Variants in SNX27 observed in about 807,000 individuals in gnomAD.
SNX27 encodes the protein sorting nexin-27.
A neutral mutation model predicts 71.6 loss-of-function variants in SNX27; 22 were observed. That is an observed-to-expected ratio of 0.31 (90% CI 0.22 to 0.44). The LOEUF is 0.44. SNX27 is among the 20% of genes least tolerant of loss of function. SNX27 has a pLI of 1.00. For synonymous variants in SNX27, 269 were observed against 277.2 expected (o/e 0.97, Z 0.29); for missense variants, 531 against 698.6 (o/e 0.76, Z 2.70).
At chr1:151,689,269 A>G (rs1671329351) in intron 8 of SNX27, among the ~76,000 whole-genome samples, 1 of 152,236 alleles carries the variant, frequency 6.6e-6, no homozygotes. Flanking sequence ...GTAGCTTCTC[A>G]GAAGTGGAAC....
At chr1:151,625,997 C>A (rs1459978352) in intron 1 of SNX27, among the ~76,000 whole-genome samples, 1 of 151,798 alleles carries the variant, frequency 6.6e-6, no homozygotes, top group East Asian at 1.9e-4. Context: ...GGCGCAATGG[C>A]CCACACATGT....
chr1:151,612,651 G>A lies in SNX27; in HGVS notation c.311+139G>A, dbSNP rs1055379321. 5.2e-5 allele frequency: 33 copies of A among 633,472 alleles called. No homozygotes were observed. The East Asian group carries it at 1.2e-3, about 22-fold the overall frequency. 39.2% of individuals were successfully genotyped at this position (633,472 alleles called of 1,614,324 possible). A position where few individuals can be genotyped will look rare whatever the true frequency, so the allele number is the denominator to read the frequency against. On this transcript the variant is annotated intron_variant, in intron 1 of 11. Coordinates refer to ENST00000458013, the MANE Select transcript of SNX27 (RefSeq NM_001330723.2). The surrounding 1 kb of genome is among the most constrained non-coding windows in gnomAD (Gnocchi z 5.2). ...CCGGACCCCCGCCCCTCAGGCCTCC[G>A]CAGCCGGGCCCCTCCTTGTGGGCTG...
At chr1:151,683,266 C>G in intron 7 of SNX27, 90 bp from the exon 8 acceptor site, 1 of 1,009,384 alleles carries the variant, frequency 9.9e-7, no homozygotes, top group Non-Finnish European at 1.5e-6. Flanking sequence ...AAGAGATTTT[C>G]TGAAAATGCG....
chr1:151,641,597 A>G (rs1414016318), intron 2 of SNX27, among the ~76,000 whole-genome samples: 1 of 54,836 alleles, frequency 1.8e-5, no homozygotes, highest in African/African-American at 8.0e-5. Flanking sequence ...GTCCTTTATC[A>G]GATATATATA....
intron 1 of SNX27, among the ~76,000 whole-genome samples, chr1:151,618,033 CTTT>C (rs555481981): frequency 1.5e-5 from 2 of 136,996 alleles, no homozygotes; most frequent in African/African-American, 2.7e-5. Flanking sequence ...TTTTTTTGTA[CTTT>C]TTTTTTTTTT....
rs1169517293 is a variant in SNX27 at position 151,666,000 on chromosome 1, G to A, written c.974G>A (p.Ser325Asn). The A allele has an allele frequency of 1.9e-6, 3 of 1,611,178 alleles. No homozygotes were observed. In the African/African-American group the frequency reaches 4.0e-5, roughly 22 times the overall value. Residue 325 changes from serine to asparagine, a missense_variant, in exon 6 of 12, where the codon AGT becomes AAT. Ser to Asn is a conservative substitution (Grantham distance 46, BLOSUM62 1). Around this residue, in one of 5 missense-constraint regions of SNX27, gnomAD observed 184 missense variants for 289.6 expected, o/e 0.64. Transcript: ENST00000458013. ...TACTTTGCCTTATTTGAAGTGATCA[G>A]TCACTCCTTTGGTAAGTACCAGTGG... The part of the protein sequence containing the change: ...VNYFALFEVI[S>N]HSFVRKLAPN...
chr1:151,649,566 G>C (rs1669228013), intron 2 of SNX27, among the ~76,000 whole-genome samples: 1 of 152,218 alleles, frequency 6.6e-6, no homozygotes, highest in South Asian at 2.1e-4. Context: ...CTGGGAGACA[G>C]AGCTAAACCC....
chr1:151,630,656 A>T (rs1489525136), intron 1 of SNX27, among the ~76,000 whole-genome samples: 1 of 152,242 alleles, frequency 6.6e-6, no homozygotes, highest in African/African-American at 2.4e-5. Context: ...TTTTGGCTGC[A>T]TTCATTGCTT....
intron 8 of SNX27, among the ~76,000 whole-genome samples, chr1:151,690,176 T>A (rs1378714384): frequency 6.6e-6 from 1 of 152,160 alleles, no homozygotes; most frequent in African/African-American, 2.4e-5. Context: ...CATAAAGAAG[T>A]TGGAAGAAAA....
rs1167750367 is a variant in SNX27, at chr1:151,694,183, G to A, written c.1579-187G>A. 2.2e-6 allele frequency: 3 copies of A among 1,358,958 alleles called. No individual in the cohort carries two copies. The East Asian group carries it at 8.3e-5, about 38-fold the overall frequency. The allele number at this position is 1,358,958 out of a possible 1,614,324, so 84.2% of individuals were successfully genotyped here. A position where few individuals can be genotyped will look rare whatever the true frequency, so the allele number is the denominator to read the frequency against. ...CTGTGAAACAGGAAGACTGAACCAC[G>A]TAATTAATATCCAAGGTCCCTTCCG... On this transcript the variant is annotated intron_variant, in intron 11 of 11. Transcript: ENST00000458013.
In SNX27 at chr1:151,658,906, G is replaced by A. The variant is rs546390856; in HGVS notation, c.736+479G>A. Among the ~76,000 whole-genome samples, 10 of 152,190 alleles carry A rather than the reference G, an allele frequency of 6.6e-5. No individual in the cohort carries two copies. The East Asian group carries it at 9.7e-4, about 15-fold the overall frequency. On this transcript the variant is annotated intron_variant, in intron 3 of 11. Coordinates refer to ENST00000458013, the MANE Select transcript of SNX27 (RefSeq NM_001330723.2). ...TCACCATGTTGGCCAGGATGGTCTCGATCTCTTGACCTCGTGATCCGCCCA... is the reference window on the plus strand; with the variant it reads ...TCACCATGTTGGCCAGGATGGTCTCAATCTCTTGACCTCGTGATCCGCCCA...
At chr1:151,660,986 T>C (rs1230446228) in intron 4 of SNX27, 124 bp downstream of exon 4, 4 of 720,076 alleles carry the variant, frequency 5.6e-6, no homozygotes, top group Non-Finnish European at 9.9e-6. Flanking sequence ...TTTTTCTACT[T>C]CCTTTTTATA....
chr1:151,641,766 GC>G (rs1006173807), intron 2 of SNX27, among the ~76,000 whole-genome samples: 4 of 80,718 alleles, frequency 5.0e-5, no homozygotes, highest in Admixed American at 1.2e-4. Context: ...TCATATATAT[GC>G]TATATATATC....
intron 1 of SNX27, 115 bp from the exon 2 acceptor site, chr1:151,638,773 T>G: frequency 1.1e-6 from 1 of 920,758 alleles, no homozygotes; most frequent in South Asian, 1.6e-5. Context: ...CAAATTAATC[T>G]TTTGACTTCA....
At chr1:151,668,431 A>G in intron 6 of SNX27, 41 bp from the exon 7 acceptor site, 3 of 1,579,230 alleles carry the variant, frequency 1.9e-6, no homozygotes, top group Non-Finnish European at 2.6e-6. Flanking sequence ...AGTTTCTTAT[A>G]TCTTTTCACT....
intron 1 of SNX27, among the ~76,000 whole-genome samples, chr1:151,628,725 T>A (rs1668063605): frequency 6.6e-6 from 1 of 152,236 alleles, no homozygotes; most frequent in Admixed American, 6.5e-5. Flanking sequence ...TGCAGTTCCC[T>A]GATGATGAAT....
At chr1:151,649,484 G>A (rs1669223974) in intron 2 of SNX27, among the ~76,000 whole-genome samples, 2 of 152,174 alleles carry the variant, frequency 1.3e-5, no homozygotes, top group South Asian at 4.2e-4. Flanking sequence ...TTGGGAGGCT[G>A]AGGCAGGAGG....
rs1380570957 is a variant in SNX27, at chr1:151,698,011, T to C, written c.*3594T>C. The C allele has an allele frequency of 6.6e-6, 1 of 152,204 alleles. No homozygotes were observed. The highest frequency in any genetic ancestry group is 2.4e-5 in the African/African-American group (1 of 41,426). The allele number at this position is 152,204 out of a possible 1,614,324, so 9.4% of individuals were successfully genotyped here. On this transcript the variant is annotated 3_prime_UTR_variant, in exon 12 of 12. Coordinates refer to ENST00000458013, the MANE Select transcript of SNX27 (RefSeq NM_001330723.2). ...CTTTGGGCCCTCTGCTCTTTATATG[T>C]TTATTCTATTCTCCATTTTTCCACC...
intron 8 of SNX27, among the ~76,000 whole-genome samples, chr1:151,690,616 G>GTTT (rs957689600): frequency 7.1e-6 from 1 of 139,942 alleles, no homozygotes; most frequent in Non-Finnish European, 1.6e-5. Flanking sequence ...TTTTTTTTTT[G>GTTT]TTTTTTTTTT....
Sources: gnomAD v4.1 joint callset for allele counts (sites outside exome capture counted in the v4.1 genomes callset) on GRCh38, gnomAD v4.1.1 for gene constraint, gnomAD v4.1.1 regional missense constraint, Gnocchi (gnomAD v3.1) non-coding constraint, MANE v1.5 for transcripts, NCBI Gene and HGNC (gene_info 2026-07-23, HGNC 2026-07-21) for gene names.